Variants in MTBP observed in about 807,000 individuals in gnomAD.
MTBP encodes the protein MDM2 binding protein.
Under a neutral mutation model 117.0 loss-of-function variants are expected in MTBP, and 101 were observed. The ratio of observed to expected loss-of-function variants is 0.86; its 90% CI spans 0.73 to 1.02. The LOEUF is 1.02. Ranked by LOEUF, MTBP falls within the 50% of genes least tolerant of loss-of-function variation. The pLI, the probability that MTBP is intolerant of heterozygous loss-of-function variation, is 0.00. For missense variants in MTBP, 970 were observed against 1,030.9 expected, an observed-to-expected ratio of 0.94 and a Z score of 0.81; for synonymous variants, 350 against 351.5, an observed-to-expected ratio of 1.00 and a Z score of 0.05.
At chr8:120,447,322 G>A (rs922515327) in intron 2 of MTBP, among the ~76,000 whole-genome samples, 5 of 151,952 alleles carry the variant, frequency 3.3e-5, no homozygotes, top group African/African-American at 1.2e-4. Context: ...ATTGGGGAAT[G>A]ATTTCTAATA....
chr8:120,518,689 T>C lies in MTBP; in HGVS notation c.2497-15T>C, dbSNP rs1586975722. The C allele has an allele frequency of 6.5e-7, 1 of 1,533,014 alleles. No homozygotes were observed. The highest frequency in any genetic ancestry group is 2.3e-5 in the East Asian group (1 of 44,310). The allele number at this position is 1,533,014 out of a possible 1,614,324, so 95.0% of individuals were successfully genotyped here. On this transcript the variant is annotated splice_polypyrimidine_tract_variant and intron_variant, in intron 19 of 21. Transcript: ENST00000305949. The stretch of plus-strand genomic sequence containing the variant: ...TTTCCAAGAAATATTCGTCATATGT[T>C]ATGTTCTGTTCAAGATACTGAAAGA...
intron 11 of MTBP, among the ~76,000 whole-genome samples, chr8:120,485,173 T>G (rs745425357): frequency 8.5e-5 from 13 of 152,208 alleles, no homozygotes; most frequent in Non-Finnish European, 1.9e-4. Flanking sequence ...AGGAGTGGAA[T>G]TGCTGGGCTT....
In MTBP at chr8:120,516,108, A is replaced by G. The variant is rs532291475; in HGVS notation, c.2163A>G (p.Glu721=). The G allele has an allele frequency of 8.7e-6, 14 of 1,612,850 alleles. No homozygotes were observed. The highest frequency in any genetic ancestry group is 1.2e-5 in the Non-Finnish European group (14 of 1,179,192). ...SSDPGSVPDG[E]VLQNELRTEV... Reference sequence around the variant, plus strand: ...ATCCTGGAAGTGTCCCTGACGGAGAAGTTTTACAAAATGAACTTCGAACTG... The same window carrying G: ...ATCCTGGAAGTGTCCCTGACGGAGAGGTTTTACAAAATGAACTTCGAACTG... The change falls in exon 18 of 22, where the codon GAA becomes GAG. Residue 721 remains glutamate, a synonymous_variant. Coordinates refer to ENST00000305949, the MANE Select transcript of MTBP (RefSeq NM_022045.5).
At chr8:120,461,974 A>G (rs1481015044) in intron 9 of MTBP, among the ~76,000 whole-genome samples, 2 of 152,212 alleles carry the variant, frequency 1.3e-5, no homozygotes, top group African/African-American at 4.8e-5. Context: ...AAGATAACAT[A>G]TACAAAGGTG....
Position 120,497,496 on chromosome 8 carries a change from G to A in MTBP, c.1551G>A (p.Val517=). 1 of 1,585,844 alleles carries A rather than the reference G, an allele frequency of 6.3e-7. No individual in the cohort carries two copies. The highest frequency in any genetic ancestry group is 8.6e-7 in the Non-Finnish European group (1 of 1,157,626). ...RKHFLDYFDA[V]IPKMILRKMD... ...ACTTTTTAGATTATTTTGATGCTGTGATTCCTAAAATGATTCTAAGAAAGA... is the reference window on the plus strand; with the variant it reads ...ACTTTTTAGATTATTTTGATGCTGTAATTCCTAAAATGATTCTAAGAAAGA... Residue 517 remains valine (V), a synonymous_variant, in exon 14 of 22, where the codon GTG becomes GTA. Coordinates refer to ENST00000305949, the MANE Select transcript of MTBP (RefSeq NM_022045.5).
At chr8:120,505,859 A>T (rs977279661) in intron 15 of MTBP, among the ~76,000 whole-genome samples, 2 of 152,128 alleles carry the variant, frequency 1.3e-5, no homozygotes, top group Non-Finnish European at 2.9e-5. Context: ...TTATAGGGTC[A>T]TAGAGTAGAA....
chr8:120,513,954 C>T (rs370638335), intron 17 of MTBP, among the ~76,000 whole-genome samples: 4 of 151,944 alleles, frequency 2.6e-5, no homozygotes, highest in African/African-American at 7.2e-5. Context: ...ACTCCCTACT[C>T]TGCCACCAAC....
At chr8:120,499,924 T>C (rs934937711) in intron 14 of MTBP, among the ~76,000 whole-genome samples, 2 of 152,214 alleles carry the variant, frequency 1.3e-5, no homozygotes, top group Non-Finnish European at 2.9e-5. Flanking sequence ...TTCTATCAGA[T>C]CGTTATTTTA....
At position 120,506,202 on chromosome 8, in the gene MTBP, G is replaced by T. The variant is rs76106044; in HGVS notation, c.1728-504G>T. On this transcript the variant is annotated intron_variant, in intron 15 of 21. Transcript: ENST00000305949. The stretch of plus-strand genomic sequence containing the variant: ...GCTTATTCATAATGTCATCATCATG[G>T]CTACAAGAGACTTTGGGGAGATTTC... Among the ~76,000 whole-genome samples, 1,092 of 152,130 alleles carry T rather than the reference G, an allele frequency of 7.2e-3. 14 individuals carry two copies. Among genetic ancestry groups the T allele is most frequent in the African/African-American group, 0.024 (995 of 41,512 alleles).
chr8:120,480,290 A>G (rs1814049085), intron 11 of MTBP, among the ~76,000 whole-genome samples: 1 of 151,866 alleles, frequency 6.6e-6, no homozygotes, highest in African/African-American at 2.4e-5. Flanking sequence ...GGCACCTGTA[A>G]TCCCAGCTGC....
At chr8:120,497,674 A>G in intron 14 of MTBP, 120 bp downstream of exon 14, 2 of 626,920 alleles carry the variant, frequency 3.2e-6, no homozygotes, top group Non-Finnish European at 5.4e-6. Flanking sequence ...TTAAATAATA[A>G]TAGATACTTA....
intron 9 of MTBP, among the ~76,000 whole-genome samples, chr8:120,461,763 AT>A (rs1813586758): frequency 6.6e-6 from 1 of 152,032 alleles, no homozygotes. Context: ...TTTGGAAATA[AT>A]TTCCCTTTTC....
At position 120,470,033 on chromosome 8, in the gene MTBP, A is replaced by C. The variant is rs1181172066; in HGVS notation, c.1048-787A>C. 2.0e-5 allele frequency among the ~76,000 whole-genome samples: 3 copies of C among 152,320 alleles called. No individual in the cohort carries two copies. The East Asian group carries it at 5.8e-4, about 29-fold the overall frequency. On this transcript the variant is annotated intron_variant, in intron 10 of 21. Transcript: ENST00000305949. ...AAATGCTTTGCCTAAATTTTCCCAA[A>C]GTTTTAAAATGAAATACTTTTTACT...
intron 10 of MTBP, among the ~76,000 whole-genome samples, chr8:120,467,131 A>G (rs2130540942): frequency 6.6e-6 from 1 of 152,328 alleles, no homozygotes; most frequent in South Asian, 2.1e-4. Flanking sequence ...AACTTCTTGG[A>G]GTAAAGCTTA....
At chr8:120,483,506 C>T (rs1266004400) in intron 11 of MTBP, among the ~76,000 whole-genome samples, 4 of 151,976 alleles carry the variant, frequency 2.6e-5, no homozygotes, top group African/African-American at 4.8e-5. Context: ...TATTATTTAT[C>T]CTTTAGATTA....
Position 120,523,597 on chromosome 8 carries a change from CTTAT to C in MTBP, c.*265_*268del, listed in dbSNP as rs2130627485. On this transcript the variant is annotated 3_prime_UTR_variant, in exon 22 of 22. Transcript: ENST00000305949. ...TTTTATATGTTTTAAAATGTTTACT[CTTAT>C]TTAATTATTACAATAAACAGAATTT... The C allele has an allele frequency of 5.1e-6, 1 of 196,502 alleles. No homozygotes were observed. Among genetic ancestry groups the C allele is most frequent in the South Asian group, 1.9e-4 (1 of 5,272 alleles). 12.2% of individuals were successfully genotyped at this position (196,502 alleles called of 1,614,324 possible). A position where few individuals can be genotyped will look rare whatever the true frequency, so the allele number is the denominator to read the frequency against.
At chr8:120,454,321 C>T (rs569444556) in intron 5 of MTBP, among the ~76,000 whole-genome samples, 2 of 151,990 alleles carry the variant, frequency 1.3e-5, no homozygotes, top group African/African-American at 4.8e-5. Context: ...TATGCATTGT[C>T]AAATGGAATG....
intron 9 of MTBP, 79 bp downstream of exon 9, chr8:120,461,334 T>TACCTA: frequency 3.1e-6 from 3 of 981,156 alleles, no homozygotes; most frequent in Non-Finnish European, 4.7e-6. Context: ...CAGGTAAATA[T>TACCTA]ACATGTTAGG....
chr8:120,501,944 T>C (rs1814595203), intron 14 of MTBP, among the ~76,000 whole-genome samples: 1 of 152,204 alleles, frequency 6.6e-6, no homozygotes, highest in South Asian at 2.1e-4. Context: ...TAGTAGAAAA[T>C]AACACTGCAT....
Sources: allele counts gnomAD v4.1 joint callset (sites outside exome capture counted in the v4.1 genomes callset), GRCh38; gene constraint gnomAD v4.1.1; transcripts MANE v1.5; gene names NCBI Gene and HGNC (gene_info 2026-07-23, HGNC 2026-07-21).